Variants in BCAS1 observed in about 807,000 individuals in gnomAD.
BCAS1 encodes the protein breast carcinoma-amplified sequence 1.
BCAS1 carries 46 observed loss-of-function variants against 65.4 expected under a neutral mutation model. The ratio of observed to expected loss-of-function variants is 0.70; its 90% CI spans 0.55 to 0.90. The LOEUF (loss-of-function observed/expected upper bound fraction) is 0.90, where lower values mean the gene tolerates loss of function less well. Among genes scored for constraint, BCAS1 ranks in the 40% least tolerant of loss-of-function variants. The probability of loss-of-function intolerance (pLI) is 0.00; values close to 1 mark genes in which losing one functional copy is unlikely to be tolerated. For synonymous variants in BCAS1, 298 were observed against 293.5 expected, an observed-to-expected ratio of 1.02 and a Z score of -0.16; for missense variants, 793 against 771.2, an observed-to-expected ratio of 1.03 and a Z score of -0.33.
chr20:54,020,247 T>C (rs1397139120), intron 4 of BCAS1, among the ~76,000 whole-genome samples: 1 of 152,196 alleles, frequency 6.6e-6, no homozygotes, highest in Non-Finnish European at 1.5e-5. Flanking sequence ...TGATAAGTTA[T>C]AGCCGTTACA....
chr20:54,012,053 T>C (rs1196826191), intron 4 of BCAS1, among the ~76,000 whole-genome samples: 1 of 152,174 alleles, frequency 6.6e-6, no homozygotes, highest in Admixed American at 6.5e-5. Context: ...GGATACTACT[T>C]GGCAGTCGAA....
At chr20:54,062,009 A>G (rs6123347) in intron 1 of BCAS1, among the ~76,000 whole-genome samples, 30 of 152,358 alleles carry the variant, frequency 2.0e-4, no homozygotes, top group East Asian at 7.7e-4. Context: ...CATGAAAATT[A>G]TATGAAAGTC....
chr20:54,037,155 T>C (rs2091913360), intron 3 of BCAS1, among the ~76,000 whole-genome samples: 3 of 151,364 alleles, frequency 2.0e-5, no homozygotes, highest in African/African-American at 7.3e-5. Flanking sequence ...GGGTGATTTA[T>C]AAAGGAAAGA....
At chr20:53,981,620 T>C (rs2090483432) in intron 8 of BCAS1, among the ~76,000 whole-genome samples, 1 of 151,274 alleles carries the variant, frequency 6.6e-6, no homozygotes, top group South Asian at 2.1e-4. Flanking sequence ...CTGAAGAAAC[T>C]GAGGCTCAAG....
At chr20:53,991,084 T>C (rs1267232041) in intron 7 of BCAS1, among the ~76,000 whole-genome samples, 2 of 152,216 alleles carry the variant, frequency 1.3e-5, no homozygotes, top group Non-Finnish European at 2.9e-5. Flanking sequence ...GAAGTGAATG[T>C]CATAATGAAA....
In BCAS1 at chr20:53,970,149, T is replaced by C. The variant is rs531035653; in HGVS notation, c.1318-3076A>G. On this transcript the variant is annotated intron_variant, in intron 9 of 12. Transcript: ENST00000688948. ...TCATAAATAAAATGATCAGATTGTATGGCAATAACTCTGTAAATCAATTCT... is the reference window on the plus strand; with the variant it reads ...TCATAAATAAAATGATCAGATTGTACGGCAATAACTCTGTAAATCAATTCT... Among the ~76,000 whole-genome samples, 48 of 152,356 alleles carry C rather than the reference T, an allele frequency of 3.2e-4. 1 individual carries two copies. In the South Asian group the frequency reaches 8.3e-3, roughly 26 times the overall value.
At chr20:53,957,361 G>A in intron 11 of BCAS1, 71 bp downstream of exon 11, 1 of 1,402,214 alleles carries the variant, frequency 7.1e-7, no homozygotes, top group East Asian at 2.3e-5. Flanking sequence ...GAATTTTATT[G>A]AAAAGTATAC....
intron 5 of BCAS1, 119 bp downstream of exon 5, chr20:53,995,773 G>T: frequency 8.5e-7 from 1 of 1,176,358 alleles, no homozygotes; most frequent in Non-Finnish European, 1.2e-6. Flanking sequence ...TCTCTCCCAT[G>T]CTCCAACAGC....
At chr20:53,977,963 T>C (rs2090377268) in intron 8 of BCAS1, among the ~76,000 whole-genome samples, 1 of 151,974 alleles carries the variant, frequency 6.6e-6, no homozygotes. Flanking sequence ...TATGTATACA[T>C]GTGCCATGCT....
At chr20:54,029,181 G>A (rs2091748034) in intron 3 of BCAS1, 2 of 985,250 alleles carry the variant, frequency 2.0e-6, no homozygotes, top group South Asian at 9.4e-5. Flanking sequence ...TGGTGAGGAG[G>A]GAAAGCTACT....
chr20:54,014,913 G>A (rs949102063), intron 4 of BCAS1, among the ~76,000 whole-genome samples: 5 of 152,098 alleles, frequency 3.3e-5, no homozygotes, highest in Non-Finnish European at 5.9e-5. Flanking sequence ...AATAGGGTTT[G>A]GTTAATTTTT....
chr20:53,951,243 C>T (rs561184127), intron 12 of BCAS1, among the ~76,000 whole-genome samples: 7 of 152,220 alleles, frequency 4.6e-5, no homozygotes, highest in East Asian at 1.9e-4. Flanking sequence ...GAGGCTGAGG[C>T]GGGCGGATCA....
Position 53,975,398 on chromosome 20 carries a change from C to G in BCAS1, c.1308G>C (p.Ala436=), listed in dbSNP as rs139421363. ...GGTGTGTGTAACTTACATTCTCCTCCGCACCTGTGGGGACTGAGTCCTCTT... is the reference window on the plus strand; with the variant it reads ...GGTGTGTGTAACTTACATTCTCCTCGGCACCTGTGGGGACTGAGTCCTCTT... ...SVKEDSVPTG[A]EENVVCESPV... Residue 436 remains alanine, a synonymous_variant, in exon 9 of 13, where the codon GCG becomes GCC. Coordinates refer to ENST00000688948, the MANE Select transcript of BCAS1 (RefSeq NM_001366298.2). 4 of 1,612,026 alleles carry G rather than the reference C, an allele frequency of 2.5e-6. No homozygotes were observed. In the African/African-American group the frequency reaches 4.0e-5, roughly 16 times the overall value.
At chr20:54,025,066 G>A (rs542559184) in intron 4 of BCAS1, among the ~76,000 whole-genome samples, 7 of 152,154 alleles carry the variant, frequency 4.6e-5, no homozygotes, top group East Asian at 1.9e-4. Context: ...AGGTTAGTGC[G>A]AAAGTAACGA....
At chr20:54,000,411 C>G (rs2091029034) in intron 4 of BCAS1, among the ~76,000 whole-genome samples, 2 of 152,182 alleles carry the variant, frequency 1.3e-5, no homozygotes, top group Admixed American at 1.3e-4. Flanking sequence ...AATGAAGGTT[C>G]TTTTTCTCCC....
intron 3 of BCAS1, among the ~76,000 whole-genome samples, chr20:54,040,356 T>C (rs1172318237): frequency 6.6e-6 from 1 of 151,384 alleles, no homozygotes; most frequent in Non-Finnish European, 1.5e-5. Flanking sequence ...CCTATTATTC[T>C]ATCAGTGGCT....
At chr20:53,986,489 T>G (rs2090618713) in intron 7 of BCAS1, among the ~76,000 whole-genome samples, 3 of 151,532 alleles carry the variant, frequency 2.0e-5, no homozygotes, top group Non-Finnish European at 1.5e-5. Context: ...CTAAACATCT[T>G]CATTTTATGA....
chr20:54,040,772 C>T (rs922703320), intron 3 of BCAS1, among the ~76,000 whole-genome samples: 3 of 151,174 alleles, frequency 2.0e-5, no homozygotes, highest in Non-Finnish European at 4.4e-5. Context: ...CTTTGGAAAG[C>T]AGTTTAACAG....
At chr20:53,959,783 C>G (rs1273226707) in intron 10 of BCAS1, among the ~76,000 whole-genome samples, 4 of 152,332 alleles carry the variant, frequency 2.6e-5, no homozygotes, top group Admixed American at 1.3e-4. Flanking sequence ...GATTGACAAA[C>G]AAAGATCAGA....
Sources: allele counts gnomAD v4.1 joint callset (sites outside exome capture counted in the v4.1 genomes callset), GRCh38; gene constraint gnomAD v4.1.1; transcripts MANE v1.5; gene names NCBI Gene and HGNC (gene_info 2026-07-23, HGNC 2026-07-21).